RASA3: variants seen among roughly 807,000 people sequenced by gnomAD.
RASA3 encodes the protein RAS p21 protein activator 3, also known as ras GTPase-activating protein 3.
A neutral mutation model predicts 110.0 loss-of-function variants in RASA3; 73 were observed. That is an observed-to-expected ratio of 0.66 (90% confidence interval 0.55 to 0.81). RASA3 has a LOEUF of 0.81. Among genes scored for constraint, RASA3 ranks in the 30% least tolerant of loss-of-function variants. RASA3 has a pLI of 0.00. For synonymous variants in RASA3, 500 were observed against 451.4 expected (o/e 1.11, Z -1.37); for missense variants, 976 against 1,113.2 (o/e 0.88, Z 1.75).
intron 1 of RASA3, among the ~76,000 whole-genome samples, chr13:114,078,930 G>A (rs1295036047): frequency 6.6e-6 from 1 of 152,240 alleles, no homozygotes; most frequent in East Asian, 1.9e-4. Flanking sequence ...GTGAGGGCAT[G>A]GGGAGGTCTC....
intron 23 of RASA3, among the ~76,000 whole-genome samples, chr13:113,981,220 T>C (rs979756914): frequency 6.6e-6 from 1 of 152,176 alleles, no homozygotes; most frequent in Non-Finnish European, 1.5e-5. Context: ...GTGACTAAGC[T>C]GAACGTACTC....
intron 9 of RASA3, among the ~76,000 whole-genome samples, chr13:114,020,316 C>A (rs2053899210): frequency 6.6e-6 from 1 of 152,118 alleles, no homozygotes; most frequent in African/African-American, 2.4e-5. Context: ...CGCCCCCCAT[C>A]GCCCCAGGTA....
intron 21 of RASA3, among the ~76,000 whole-genome samples, chr13:113,996,051 G>A (rs1339916248): frequency 5.7e-4 from 83 of 145,698 alleles, no homozygotes; most frequent in African/African-American, 2.0e-3. Context: ...CGGCTGATGG[G>A]GGGGCCCGGC....
intron 3 of RASA3, among the ~76,000 whole-genome samples, chr13:114,047,228 C>G (rs902518254): frequency 2.0e-5 from 3 of 152,114 alleles, no homozygotes; most frequent in African/African-American, 7.2e-5. Context: ...GAAAACAACC[C>G]AATTAAAAGG....
Position 114,009,295 on chromosome 13 carries a change from T to C in RASA3, c.1668+92A>G, listed in dbSNP as rs1276799058. 3 of 1,046,052 alleles carry C rather than the reference T, an allele frequency of 2.9e-6. No individual in the cohort carries two copies. In the African/African-American group the frequency reaches 4.7e-5, roughly 17 times the overall value. The allele number at this position is 1,046,052 out of a possible 1,614,324, so 64.8% of individuals were successfully genotyped here. A position where few individuals can be genotyped will look rare whatever the true frequency, so the allele number is the denominator to read the frequency against. On this transcript the variant is annotated intron_variant, in intron 17 of 23. Coordinates refer to ENST00000334062, the MANE Select transcript of RASA3 (RefSeq NM_007368.4). ...TTGTTTAAAATCGCTAATGGCCAAG[T>C]CTGTGTCATGTGGGTTCTATCTCAA...
chr13:114,087,688 C>T (rs2079839948), intron 1 of RASA3, among the ~76,000 whole-genome samples: 1 of 152,212 alleles, frequency 6.6e-6, no homozygotes, highest in African/African-American at 2.4e-5. Flanking sequence ...TGACGGCTCC[C>T]GGGGCCAGCA....
rs965910999 is a variant in RASA3, at chr13:114,014,760, A to C, written c.1405+449T>G. ...TCTCTTCGAAGACACGGGCAGGCAG[A>C]GCCCCCAACACCACTCTGGGCCCTG... On this transcript the variant is annotated intron_variant, in intron 14 of 23. Transcript: ENST00000334062. This position sits in a 1 kb window ranked among gnomAD's most constrained non-coding sequence, Gnocchi z 4.5. Among the ~76,000 whole-genome samples, 19 of 152,086 alleles carry C rather than the reference A, an allele frequency of 1.2e-4. No individual in the cohort carries two copies. The highest frequency in any genetic ancestry group is 4.6e-4 in the African/African-American group (19 of 41,420).
intron 1 of RASA3, among the ~76,000 whole-genome samples, chr13:114,076,064 C>T (rs1266615792): frequency 2.6e-5 from 4 of 152,066 alleles, no homozygotes; most frequent in African/African-American, 4.8e-5. Context: ...GCTGCCCACA[C>T]GGAGCAGCTC....
intron 2 of RASA3, among the ~76,000 whole-genome samples, chr13:114,071,029 G>A (rs1175245193): frequency 6.6e-6 from 1 of 151,926 alleles, no homozygotes; most frequent in Non-Finnish European, 1.5e-5. Context: ...CAGGGCTGCC[G>A]GCGTCCACGC....
At chr13:114,005,528 C>T (rs573749753) in intron 18 of RASA3, among the ~76,000 whole-genome samples, 3 of 152,246 alleles carry the variant, frequency 2.0e-5, no homozygotes, top group South Asian at 2.1e-4. Flanking sequence ...GGGGCCAGAC[C>T]CCCAGGGCTG....
At position 114,115,806 on chromosome 13, in the gene RASA3, G is replaced by A. The variant is rs577069025; in HGVS notation, c.55+16629C>T. On this transcript the variant is annotated intron_variant, in intron 1 of 23. Coordinates refer to ENST00000334062, the MANE Select transcript of RASA3 (RefSeq NM_007368.4). The surrounding 1 kb of genome is among the most constrained non-coding windows in gnomAD (Gnocchi z 5.0). ...CCACGCCTTCTCAGTCTCCTGTAAC[G>A]ACGTTGCTACAGATGTATGTGTTTG... 2.0e-5 allele frequency among the ~76,000 whole-genome samples: 3 copies of A among 152,348 alleles called. 1 individual carries two copies. In the South Asian group the frequency reaches 6.2e-4, roughly 32 times the overall value.
intron 1 of RASA3, among the ~76,000 whole-genome samples, chr13:114,122,220 T>A (rs2080388378): frequency 6.6e-6 from 1 of 152,178 alleles, no homozygotes; most frequent in African/African-American, 2.4e-5. Context: ...CAAGGCTTCC[T>A]GAGAAGGCTG....
At chr13:114,058,457 C>A (rs552591587) in intron 2 of RASA3, among the ~76,000 whole-genome samples, 1 of 152,246 alleles carries the variant, frequency 6.6e-6, no homozygotes, top group Non-Finnish European at 1.5e-5. Context: ...GTCACCAGAC[C>A]GGACGGAAAA....
intron 2 of RASA3, 121 bp from the exon 3 acceptor site, chr13:114,052,276 C>A: frequency 1.6e-6 from 1 of 643,374 alleles, no homozygotes; most frequent in South Asian, 1.8e-5. Context: ...CTGTGTGGCA[C>A]GCATGAGACA....
intron 1 of RASA3, among the ~76,000 whole-genome samples, chr13:114,095,955 C>T (rs1490880139): frequency 2.0e-5 from 3 of 152,240 alleles, no homozygotes; most frequent in Non-Finnish European, 4.4e-5. Context: ...GCAATTATGA[C>T]ATAAAACCAC....
In RASA3 at chr13:114,122,563, G is replaced by A. The variant is rs565215315; in HGVS notation, c.55+9872C>T. On this transcript the variant is annotated intron_variant, in intron 1 of 23. Coordinates refer to ENST00000334062, the MANE Select transcript of RASA3 (RefSeq NM_007368.4). ...CACCTCCTTCCTGCCCCCGAGCCGT[G>A]CCTTCCCCCGCTGGGTGGGCTTGCT... Among the ~76,000 whole-genome samples, 104 of 152,326 alleles carry A rather than the reference G, an allele frequency of 6.8e-4. 4 individuals are homozygous for A. Among genetic ancestry groups the A allele is most frequent in the Admixed American group, 3.9e-3 (60 of 15,310 alleles).
chr13:114,119,902 C>T (rs2080348245), intron 1 of RASA3, among the ~76,000 whole-genome samples: 1 of 48,682 alleles, frequency 2.1e-5, no homozygotes, highest in African/African-American at 7.1e-5. Context: ...GATCAGGGCC[C>T]CCCTCCCCTC....
chr13:114,028,562 G>C (rs1483464703), intron 5 of RASA3, among the ~76,000 whole-genome samples: 2 of 149,012 alleles, frequency 1.3e-5, no homozygotes, highest in African/African-American at 5.0e-5. Flanking sequence ...ATCCTGGAAG[G>C]GGGCCAGAAC....
intron 1 of RASA3, among the ~76,000 whole-genome samples, chr13:114,076,161 A>G (rs2079678488): frequency 6.6e-6 from 1 of 152,166 alleles, no homozygotes; most frequent in African/African-American, 2.4e-5. Flanking sequence ...TGAACTGCAA[A>G]AGCAAGAGAC....
Sources: gnomAD v4.1 joint callset for allele counts (sites outside exome capture counted in the v4.1 genomes callset) on GRCh38, gnomAD v4.1.1 for gene constraint, Gnocchi (gnomAD v3.1) non-coding constraint, MANE v1.5 for transcripts, NCBI Gene and HGNC (gene_info 2026-07-23, HGNC 2026-07-21) for gene names.